The following ADARB2 variants were observed in gnomAD, a reference collection of about 807,000 sequenced individuals.
ADARB2 encodes inactive double-stranded RNA-specific editase B2.
ADARB2 carries 25 observed loss-of-function variants against 62.2 expected under a neutral mutation model. The observed-to-expected ratio is 0.40, with a 90% CI of 0.29 to 0.56. ADARB2 has a LOEUF of 0.56. Among genes scored for constraint, ADARB2 ranks in the 20% least tolerant of loss-of-function variants. The pLI, the probability that ADARB2 is intolerant of heterozygous loss-of-function variation, is 0.43. For synonymous variants in ADARB2, 572 were observed against 500.8 expected, an observed-to-expected ratio of 1.14 and a Z score of -1.90; for missense variants, 1,071 against 1,077.4, an observed-to-expected ratio of 0.99 and a Z score of 0.08.
intron 1 of ADARB2, among the ~76,000 whole-genome samples, chr10:1,383,255 C>T (rs972932286): frequency 6.6e-6 from 1 of 152,104 alleles, no homozygotes; most frequent in Admixed American, 6.5e-5. Flanking sequence ...TTTCATATTA[C>T]GACCGTTTGG....
chr10:1,337,060 T>TTGTGTG (rs934933891), intron 3 of ADARB2, among the ~76,000 whole-genome samples: 3 of 82,518 alleles, frequency 3.6e-5, no homozygotes, highest in African/African-American at 1.4e-4. Flanking sequence ...ACTTAAAGAT[T>TTGTGTG]TCTGTGTGTG....
intron 1 of ADARB2, among the ~76,000 whole-genome samples, chr10:1,420,886 C>T (rs571683993): frequency 2.0e-5 from 3 of 152,298 alleles, no homozygotes; most frequent in African/African-American, 7.2e-5. Flanking sequence ...TGCACACACC[C>T]CGGAGCAAAC....
intron 7 of ADARB2, 55 bp from the exon 8 acceptor site, chr10:1,200,202 G>C (rs756076239): frequency 6.5e-7 from 1 of 1,547,938 alleles, no homozygotes; most frequent in South Asian, 1.2e-5. Context: ...AGGGAGCCTG[G>C]TCCTCTCTGT....
intron 1 of ADARB2, among the ~76,000 whole-genome samples, chr10:1,523,456 C>G (rs964617336): frequency 6.6e-6 from 1 of 152,160 alleles, no homozygotes. Context: ...CCTATGCTTG[C>G]TGGGCCATCC....
At position 1,326,827 on chromosome 10, in the gene ADARB2, A is replaced by G. The variant is rs781463592; in HGVS notation, c.1077+36201T>C. On this transcript the variant is annotated intron_variant, in intron 3 of 9. Transcript: ENST00000381312. Reference sequence around the variant, plus strand: ...ACGGCCCAGCGCCTCCCCACGGCCCAGCGCCTCCCCACGGCCCAGCGCCTC... The same window carrying G: ...ACGGCCCAGCGCCTCCCCACGGCCCGGCGCCTCCCCACGGCCCAGCGCCTC... Among the ~76,000 whole-genome samples the G allele has an allele frequency of 2.9e-3, 298 of 102,710 alleles. 5 individuals are homozygous for G. The highest frequency in any genetic ancestry group is 6.3e-3 in the South Asian group (15 of 2,390). The allele number at this position is 102,710 out of a possible 152,430, so 67.4% of individuals were successfully genotyped here.
chr10:1,223,522 C>T (rs1304916691), intron 6 of ADARB2, among the ~76,000 whole-genome samples: 1 of 152,134 alleles, frequency 6.6e-6, no homozygotes, highest in Non-Finnish European at 1.5e-5. Flanking sequence ...GGAATGCTTC[C>T]AGTTTTTGCC....
intron 1 of ADARB2, among the ~76,000 whole-genome samples, chr10:1,628,475 T>A (rs1770100463): frequency 6.6e-6 from 1 of 152,220 alleles, no homozygotes; most frequent in Admixed American, 6.5e-5. Context: ...AGATTCTACA[T>A]GAGAATGACA....
chr10:1,363,321 C>G lies in ADARB2; in HGVS notation c.784G>C (p.Asp262His). The G allele has an allele frequency of 8.1e-7, 1 of 1,236,820 alleles. No homozygotes were observed. The highest frequency in any genetic ancestry group is 1.0e-6 in the Non-Finnish European group (1 of 990,080). The allele number at this position is 1,236,820 out of a possible 1,614,324, so 76.6% of individuals were successfully genotyped here. A position where few individuals can be genotyped will look rare whatever the true frequency, so the allele number is the denominator to read the frequency against. ...GTGGCGGGGGTCGGGCCCACCAGGT[C>G]CAGCGCGCGGCACAGCAGCCGCCGT... ...GRRRLLCRAL[D>H]LVGPTPATPA... Residue 262 changes from aspartate to histidine, a missense_variant, in exon 3 of 10, where the codon GAC (aspartate) becomes CAC (histidine). Coordinates refer to ENST00000381312, the MANE Select transcript of ADARB2 (RefSeq NM_018702.4).
In ADARB2 at chr10:1,468,807, G is replaced by T. The variant is rs150494069; in HGVS notation, c.101-89647C>A. Among the ~76,000 whole-genome samples, 9 of 152,378 alleles carry T rather than the reference G, an allele frequency of 5.9e-5. No homozygotes were observed. In the East Asian group the frequency reaches 1.7e-3, roughly 29 times the overall value. On this transcript the variant is annotated intron_variant, in intron 1 of 9. Transcript: ENST00000381312. ...AAGCTGCCACGGAACAGGTGTGGAG[G>T]TGATGGTGAGTGGCAAACCTCCGTG... is the stretch of plus-strand genomic sequence containing the variant.
intron 1 of ADARB2, among the ~76,000 whole-genome samples, chr10:1,529,653 T>C (rs111872880): frequency 1.6e-3 from 241 of 152,316 alleles, no homozygotes; most frequent in African/African-American, 5.6e-3. Context: ...ATAGCCCTTG[T>C]TGGAGCCCCT....
intron 1 of ADARB2, among the ~76,000 whole-genome samples, chr10:1,429,323 G>C (rs185957179): frequency 5.9e-5 from 9 of 152,322 alleles, no homozygotes; most frequent in Admixed American, 2.6e-4. Context: ...TCCTGGTGCT[G>C]TTTTAGCTGA....
chr10:1,698,808 G>A (rs1382121049), intron 1 of ADARB2, among the ~76,000 whole-genome samples: 2 of 152,172 alleles, frequency 1.3e-5, no homozygotes, highest in Non-Finnish European at 2.9e-5. Flanking sequence ...CGCTCAGGCT[G>A]GAATGCAATG....
chr10:1,353,011 C>T (rs1392788570), intron 3 of ADARB2, among the ~76,000 whole-genome samples: 1 of 152,144 alleles, frequency 6.6e-6, no homozygotes, highest in Admixed American at 6.5e-5. Context: ...CTCTTAGAAC[C>T]TCTCATTTCC....
At chr10:1,636,249 G>A (rs993222375) in intron 1 of ADARB2, among the ~76,000 whole-genome samples, 3 of 152,208 alleles carry the variant, frequency 2.0e-5, no homozygotes, top group African/African-American at 7.2e-5. Context: ...AGGTGCAGTG[G>A]CTCACGCCTG....
In ADARB2 at chr10:1,394,147, AG is replaced by A. The variant is rs541061902; in HGVS notation, c.101-14988del. Among the ~76,000 whole-genome samples the A allele has an allele frequency of 1.4e-4, 22 of 152,310 alleles. 1 individual carries two copies. The highest frequency in any genetic ancestry group is 4.8e-4 in the African/African-American group (20 of 41,570). ...CTCCTTTGGGAGGCAGGTGGCCTGAAGGCAACCACACTCTAATCCCCAATCA... is the reference window on the plus strand; with the variant it reads ...CTCCTTTGGGAGGCAGGTGGCCTGAAGCAACCACACTCTAATCCCCAATCA... On this transcript the variant is annotated intron_variant, in intron 1 of 9. Coordinates refer to ENST00000381312, the MANE Select transcript of ADARB2 (RefSeq NM_018702.4).
At chr10:1,543,246 A>G (rs1319815650) in intron 1 of ADARB2, among the ~76,000 whole-genome samples, 2 of 152,212 alleles carry the variant, frequency 1.3e-5, no homozygotes, top group Non-Finnish European at 2.9e-5. Flanking sequence ...ACCAGGCCTC[A>G]TCTGGAGGGC....
At chr10:1,512,877 CT>C (rs1831956176) in intron 1 of ADARB2, among the ~76,000 whole-genome samples, 1 of 152,226 alleles carries the variant, frequency 6.6e-6, no homozygotes, top group South Asian at 2.1e-4. Context: ...TGCCACCAGC[CT>C]TTCGCACAGC....
At chr10:1,716,619 C>T (rs1835019800) in intron 1 of ADARB2, among the ~76,000 whole-genome samples, 1 of 152,150 alleles carries the variant, frequency 6.6e-6, no homozygotes, top group Non-Finnish European at 1.5e-5. Flanking sequence ...ATGTGCGTTA[C>T]CTCTAAGAAG....
At chr10:1,420,612 GAAAA>G (rs869094551) in intron 1 of ADARB2, among the ~76,000 whole-genome samples, 2 of 120,462 alleles carry the variant, frequency 1.7e-5, no homozygotes, top group African/African-American at 6.9e-5. Flanking sequence ...CAGAAAGAGG[GAAAA>G]AAAAAAAAAA....
Sources: gnomAD v4.1 joint callset for allele counts (sites outside exome capture counted in the v4.1 genomes callset) on GRCh38, gnomAD v4.1.1 for gene constraint, MANE v1.5 for transcripts, NCBI Gene and HGNC (gene_info 2026-07-23, HGNC 2026-07-21) for gene names.